The following TRANK1 variants were observed in gnomAD, a reference collection of about 807,000 sequenced individuals.
TRANK1 encodes TPR and ankyrin repeat-containing protein 1.
TRANK1 carries 198 observed loss-of-function variants against 266.0 expected under a neutral mutation model. That is an observed-to-expected ratio of 0.74 (90% CI 0.66 to 0.84). The LOEUF (loss-of-function observed/expected upper bound fraction) is 0.84. Ranked by LOEUF, TRANK1 falls within the 40% of genes least tolerant of loss-of-function variation. The pLI is 0.00. For synonymous variants in TRANK1, 1,396 were observed against 1,384.1 expected (o/e 1.01, Z -0.19); for missense variants, 3,326 against 3,634.6 (o/e 0.92, Z 2.18).
chr3:36,856,964 C>A lies in TRANK1; in HGVS notation c.2758G>T (p.Ala920Ser). 1 of 1,613,802 alleles carries A rather than the reference C, an allele frequency of 6.2e-7. No individual in the cohort carries two copies. Among genetic ancestry groups the A allele is most frequent in the African/African-American group, 1.3e-5 (1 of 75,016 alleles). ...RCSENPEKII[A>S]TEQNTCAMEK... ...ATTGCACACGTGTTCTGCTCCGTGG[C>A]AATGATCTTCTCAGGGTTCTCACTG... is the stretch of plus-strand genomic sequence containing the variant. The change falls in exon 13 of 24, where the codon GCC (alanine) becomes TCC (serine). Residue 920 changes from alanine (A) to serine (S), a missense_variant. Coordinates refer to ENST00000645898, the MANE Select transcript of TRANK1 (RefSeq NM_001329998.2).
intron 20 of TRANK1, among the ~76,000 whole-genome samples, chr3:36,837,019 C>G (rs1441003655): frequency 6.6e-6 from 1 of 152,226 alleles, no homozygotes; most frequent in East Asian, 1.9e-4. Flanking sequence ...CTGGCCCTGC[C>G]ACTTTCTCTT....
intron 1 of TRANK1, among the ~76,000 whole-genome samples, chr3:36,916,947 C>T (rs899779021): frequency 5.3e-5 from 8 of 152,156 alleles, no homozygotes; most frequent in Middle Eastern, 6.8e-3. Context: ...TCCCAGGTAG[C>T]TGGGATTACA....
intron 8 of TRANK1, among the ~76,000 whole-genome samples, chr3:36,888,464 A>G (rs1046534152): frequency 3.9e-5 from 6 of 152,242 alleles, no homozygotes; most frequent in Non-Finnish European, 7.3e-5. Flanking sequence ...CACTTTAAAC[A>G]GGTAAATTAT....
At chr3:36,848,375 C>T (rs2078942664) in intron 15 of TRANK1, among the ~76,000 whole-genome samples, 1 of 152,038 alleles carries the variant, frequency 6.6e-6, no homozygotes. Context: ...TTTACAGACC[C>T]CAGTAAAACT....
In TRANK1 at chr3:36,833,405, C is replaced by A. The variant is rs2078724781; in HGVS notation, c.6178G>T (p.Ala2060Ser). ...FFKFDTLNHS[A>S]GVVEALYEAA... ...TCGTAGAGTGCTTCCACCACTCCAG[C>A]TGAGTGGTTGAGCGTGTCAAACTTG... is the stretch of plus-strand genomic sequence containing the variant. Residue 2060 changes from alanine to serine, a missense_variant, in exon 22 of 24, where the codon GCT (alanine) becomes TCT (serine). Transcript: ENST00000645898. 6.2e-7 allele frequency: 1 copy of A among 1,613,750 alleles called. No homozygotes were observed. Among genetic ancestry groups the A allele is most frequent in the Non-Finnish European group, 8.5e-7 (1 of 1,179,842 alleles).
rs1395854902 is a variant in TRANK1 at position 36,827,355 on chromosome 3, G to C, written c.*920C>G. On this transcript the variant is annotated 3_prime_UTR_variant, in exon 24 of 24. Transcript: ENST00000645898. ...CAGCTCTGCAGGTCACCATCCCACA[G>C]TGATGAGCTCAGCAAGCAGAGACTC... 2.6e-5 allele frequency: 4 copies of C among 152,342 alleles called. No individual in the cohort carries two copies. Among genetic ancestry groups the C allele is most frequent in the African/African-American group, 9.6e-5 (4 of 41,472 alleles). 9.4% of individuals were successfully genotyped at this position (152,342 alleles called of 1,614,324 possible).
At chr3:36,868,571 C>T (rs1426748777) in intron 9 of TRANK1, among the ~76,000 whole-genome samples, 2 of 152,126 alleles carry the variant, frequency 1.3e-5, no homozygotes, top group Admixed American at 1.3e-4. Flanking sequence ...TTTAAATTTA[C>T]ATTCTCATCA....
intron 1 of TRANK1, among the ~76,000 whole-genome samples, chr3:36,943,741 C>A (rs9857252): frequency 0.61 from 92,431 of 151,304 alleles, 28,679 homozygotes; most frequent in African/African-American, 0.67. Context: ...GGAGCAGGAG[C>A]GCATACCTAC....
At chr3:36,833,952 C>A (rs757652301) in intron 21 of TRANK1, 33 bp from the exon 22 acceptor site, 1 of 1,554,328 alleles carries the variant, frequency 6.4e-7, no homozygotes, top group Non-Finnish European at 8.6e-7. Flanking sequence ...TGTCAACTTG[C>A]CATCACCCAA....
intron 4 of TRANK1, 124 bp from the exon 5 acceptor site, chr3:36,895,882 C>T (rs915470339): frequency 3.3e-6 from 2 of 612,168 alleles, no homozygotes. Context: ...TAAAGAAAGG[C>T]ATTTTCAAAG....
At position 36,858,849 on chromosome 3, in the gene TRANK1, G is replaced by T; in HGVS notation, c.1541C>A (p.Thr514Lys). The T allele has an allele frequency of 2.0e-6, 3 of 1,537,208 alleles. No homozygotes were observed. The highest frequency in any genetic ancestry group is 2.6e-6 in the Non-Finnish European group (3 of 1,146,858). Residue 514 changes from threonine to lysine, a missense_variant, in exon 12 of 24, where the codon ACG (threonine) becomes AAG (lysine). Coordinates refer to ENST00000645898, the MANE Select transcript of TRANK1 (RefSeq NM_001329998.2). ...LQESQERPVV[T>K]CLKHEDFELA... Reference sequence around the variant, plus strand: ...CTCGAAGTCCTCATGTTTCAGGCACGTGACAACTGGCCTCTCCTGGCTCTC... The same window carrying T: ...CTCGAAGTCCTCATGTTTCAGGCACTTGACAACTGGCCTCTCCTGGCTCTC...
chr3:36,849,394 C>A (rs1406485112), intron 15 of TRANK1, among the ~76,000 whole-genome samples: 4 of 152,190 alleles, frequency 2.6e-5, no homozygotes, highest in Non-Finnish European at 4.4e-5. Flanking sequence ...ATTCTGTGGT[C>A]CCTTTCACAT....
In TRANK1 at chr3:36,852,278, G is replaced by T; in HGVS notation, c.4617C>A (p.Arg1539=). Residue 1539 remains arginine (R), a synonymous_variant, in exon 14 of 24, where the codon CGC becomes CGA. Coordinates refer to ENST00000645898, the MANE Select transcript of TRANK1 (RefSeq NM_001329998.2). ...CAAAGAGGCCAGAATCCCTTGGAAGGCGATCAAAAGATTCTGGGAAATAGA... is the reference window on the plus strand; with the variant it reads ...CAAAGAGGCCAGAATCCCTTGGAAGTCGATCAAAAGATTCTGGGAAATAGA... The part of the protein sequence containing the change: ...LQFYFPESFD[R]LPRDSGLFDG... 9 of 1,612,814 alleles carry T rather than the reference G, an allele frequency of 5.6e-6. No homozygotes were observed. Among genetic ancestry groups the T allele is most frequent in the Middle Eastern group, 1.7e-4 (1 of 6,056 alleles).
intron 1 of TRANK1, among the ~76,000 whole-genome samples, chr3:36,915,459 G>A (rs949969631): frequency 6.6e-6 from 1 of 152,154 alleles, no homozygotes; most frequent in Non-Finnish European, 1.5e-5. Context: ...ATCCTACAGT[G>A]ATAAAGAACT....
chr3:36,866,052 A>AAAG (rs2079215967), intron 9 of TRANK1, among the ~76,000 whole-genome samples: 2 of 127,758 alleles, frequency 1.6e-5, no homozygotes, highest in East Asian at 2.4e-4. Context: ...GACAGAAAGA[A>AAAG]AAAGAAAGAA....
chr3:36,875,361 T>C (rs2079371783), intron 8 of TRANK1, among the ~76,000 whole-genome samples: 1 of 152,204 alleles, frequency 6.6e-6, no homozygotes, highest in South Asian at 2.1e-4. Context: ...ACAAGGAATG[T>C]GTGTGGCCTG....
intron 20 of TRANK1, among the ~76,000 whole-genome samples, chr3:36,835,583 T>A (rs1287476779): frequency 6.6e-6 from 1 of 152,040 alleles, no homozygotes; most frequent in African/African-American, 2.4e-5. Context: ...AAAACACAAA[T>A]TTCAGGAGAA....
At chr3:36,886,904 ATT>A (rs11445289) in intron 8 of TRANK1, among the ~76,000 whole-genome samples, 14 of 117,610 alleles carry the variant, frequency 1.2e-4, no homozygotes, top group African/African-American at 1.7e-4. Flanking sequence ...TTTTTGTTGG[ATT>A]TTTTTTTTTT....
rs1484646337 is a variant in TRANK1 at position 36,864,421 on chromosome 3, G to C, written c.1138C>G (p.Gln380Glu). Residue 380 changes from glutamine (Q) to glutamate (E), a missense_variant, in exon 10 of 24, where the codon CAG becomes GAG. Gln to Glu is a conservative substitution (Grantham distance 29, BLOSUM62 2). Transcript: ENST00000645898. ...ENDIFRKVLE[Q>E]LVKYMNSGNR... The stretch of plus-strand genomic sequence containing the variant: ...CCTGAGTTCATATACTTCACCAGCT[G>C]CTCCAAGACCTTCCTGAAAATGTCG... 6.5e-6 allele frequency: 10 copies of C among 1,536,546 alleles called. No homozygotes were observed. The highest frequency in any genetic ancestry group is 2.4e-5 in the East Asian group (1 of 40,920).
Sources: gnomAD v4.1 joint callset for allele counts (sites outside exome capture counted in the v4.1 genomes callset) on GRCh38, gnomAD v4.1.1 for gene constraint, MANE v1.5 for transcripts, NCBI Gene and HGNC (gene_info 2026-07-23, HGNC 2026-07-21) for gene names.